The following COG5 variants were observed in gnomAD, a reference collection of about 807,000 sequenced individuals.
COG5 encodes the protein conserved oligomeric Golgi complex subunit 5.
In COG5, 86 loss-of-function variants were observed where a neutral mutation model predicts 110.4. The observed-to-expected ratio is 0.78, with a 90% CI of 0.65 to 0.93. The LOEUF (loss-of-function observed/expected upper bound fraction) is 0.93, where lower values mean the gene tolerates loss of function less well. Among genes scored for constraint, COG5 ranks in the 40% least tolerant of loss-of-function variants. COG5 has a pLI of 0.00. For synonymous variants in COG5, 360 were observed against 334.6 expected (o/e 1.08, Z -0.83); for missense variants, 1,077 against 987.0 (o/e 1.09, Z -1.22).
At chr7:107,284,991 ATAT>A (rs1805504850) in intron 12 of COG5, among the ~76,000 whole-genome samples, 1 of 152,168 alleles carries the variant, frequency 6.6e-6, no homozygotes, top group Admixed American at 6.5e-5. Context: ...TGGTCCACTG[ATAT>A]GACCTAGAGA....
rs760807804 is a variant in COG5 at position 107,412,611 on chromosome 7, T to C, written c.560A>G (p.Asp187Gly). Residue 187 changes from aspartate (D) to glycine (G), a missense_variant, in exon 7 of 22, where the codon GAT becomes GGT. By Grantham distance (94) the Asp-to-Gly change is moderately conservative. Transcript: ENST00000297135. ...TTCTATCACTTCTATTCCAGAAAGA[T>C]CTATTCCTTGAGAAAGATAATCTGT... The part of the protein sequence containing the change: ...NELDYLSQGI[D>G]LSGIEVIEND... The C allele has an allele frequency of 6.4e-7, 1 of 1,555,882 alleles. No individual in the cohort carries two copies. The highest frequency in any genetic ancestry group is 2.2e-5 in the East Asian group (1 of 44,460).
At chr7:107,415,823 C>CGTAT (rs199938256) in intron 6 of COG5, among the ~76,000 whole-genome samples, 22 of 72,514 alleles carry the variant, frequency 3.0e-4, no homozygotes, top group Non-Finnish European at 5.0e-4. Flanking sequence ...CACACATACA[C>CGTAT]GTATGTATGT....
intron 21 of COG5, among the ~76,000 whole-genome samples, chr7:107,207,633 T>TA (rs1206319504): frequency 1.3e-5 from 2 of 152,286 alleles, no homozygotes; most frequent in East Asian, 3.9e-4. Flanking sequence ...ATTCAACACT[T>TA]ACCCACAGGC....
intron 14 of COG5, among the ~76,000 whole-genome samples, chr7:107,263,159 A>C (rs990315180): frequency 6.6e-6 from 1 of 152,174 alleles, no homozygotes; most frequent in Non-Finnish European, 1.5e-5. Flanking sequence ...TATCTTGTAT[A>C]AAGTAGGCAC....
rs143341497 is a variant in COG5 at position 107,410,886 on chromosome 7, G to A, written c.669+1616C>T. Among the ~76,000 whole-genome samples the A allele has an allele frequency of 9.9e-5, 15 of 152,224 alleles. No homozygotes were observed. The East Asian group carries it at 2.5e-3, about 25-fold the overall frequency. On this transcript the variant is annotated intron_variant, in intron 7 of 21. Transcript: ENST00000297135. The stretch of plus-strand genomic sequence containing the variant: ...AATGATACTAATGACAATATTCAAC[G>A]TTGATAAGGAGGGAAAGATTCTGAA...
At chr7:107,423,734 A>C (rs1037890218) in intron 6 of COG5, among the ~76,000 whole-genome samples, 1 of 152,142 alleles carries the variant, frequency 6.6e-6, no homozygotes, top group African/African-American at 2.4e-5. Flanking sequence ...ATTAGCAAAC[A>C]GAATCTTGCA....
Position 107,203,122 on chromosome 7 carries a change from T to A in COG5, c.*394A>T, listed in dbSNP as rs1798477233. ...CAAATTTGGAAACCACTGAGCTACA[T>A]GCTTATTTAGTGAAGAAGGCAGGGT... On this transcript the variant is annotated 3_prime_UTR_variant, in exon 22 of 22. Coordinates refer to ENST00000297135, the MANE Select transcript of COG5 (RefSeq NM_006348.5). 4.2e-6 allele frequency: 1 copy of A among 236,664 alleles called. No homozygotes were observed. Among genetic ancestry groups the A allele is most frequent in the African/African-American group, 2.3e-5 (1 of 43,992 alleles). 14.7% of individuals were successfully genotyped at this position (236,664 alleles called of 1,614,324 possible).
At chr7:107,473,685 A>G (rs1389998974) in intron 6 of COG5, among the ~76,000 whole-genome samples, 8 of 152,024 alleles carry the variant, frequency 5.3e-5, no homozygotes, top group Non-Finnish European at 1.0e-4. Flanking sequence ...ATTTTAAGAC[A>G]CTGGGCTGAA....
intron 5 of COG5, among the ~76,000 whole-genome samples, chr7:107,533,744 A>C (rs901173931): frequency 1.3e-5 from 2 of 151,704 alleles, no homozygotes; most frequent in African/African-American, 4.9e-5. Flanking sequence ...AACACACTTC[A>C]AGATATTATC....
chr7:107,201,451 T>G lies in COG5; in HGVS notation c.*2065A>C, dbSNP rs1798295451. 1 of 1,527,852 alleles carries G rather than the reference T, an allele frequency of 6.5e-7. No individual in the cohort carries two copies. The highest frequency in any genetic ancestry group is 1.4e-5 in the African/African-American group (1 of 73,218). 94.6% of individuals were successfully genotyped at this position (1,527,852 alleles called of 1,614,324 possible). A position where few individuals can be genotyped will look rare whatever the true frequency, so the allele number is the denominator to read the frequency against. ...CATTAAACCAGGATGCTTATGTTCT[T>G]AAGTCTATATTTGCATATACATTGA... is the stretch of plus-strand genomic sequence containing the variant. On this transcript the variant is annotated 3_prime_UTR_variant, in exon 22 of 22. Transcript: ENST00000297135.
At chr7:107,513,944 T>C (rs1053087923) in intron 6 of COG5, among the ~76,000 whole-genome samples, 3 of 151,988 alleles carry the variant, frequency 2.0e-5, no homozygotes, top group Admixed American at 2.0e-4. Flanking sequence ...ATATACCTAA[T>C]GCTAAATGAC....
chr7:107,274,991 T>C (rs1407515108), intron 14 of COG5, among the ~76,000 whole-genome samples: 1 of 152,144 alleles, frequency 6.6e-6, no homozygotes, highest in Non-Finnish European at 1.5e-5. Context: ...AGGGTCTCAC[T>C]ATGTTGCCCC....
In COG5 at chr7:107,300,584, T is replaced by C. The variant is rs1807172698; in HGVS notation, c.1109-2238A>G. 4.6e-5 allele frequency among the ~76,000 whole-genome samples: 7 copies of C among 152,164 alleles called. No individual in the cohort carries two copies. The South Asian group carries it at 1.5e-3, about 32-fold the overall frequency. ...AAAAGAATACAATTTAGAATAGCACTAAAAATATGAAATACATAGATATAT... is the reference window on the plus strand; with the variant it reads ...AAAAGAATACAATTTAGAATAGCACCAAAAATATGAAATACATAGATATAT... On this transcript the variant is annotated intron_variant, in intron 11 of 21. Coordinates refer to ENST00000297135, the MANE Select transcript of COG5 (RefSeq NM_006348.5).
chr7:107,229,944 T>C (rs138377597), intron 19 of COG5, among the ~76,000 whole-genome samples: 1 of 148,934 alleles, frequency 6.7e-6, no homozygotes, highest in African/African-American at 2.5e-5. Flanking sequence ...TCTGACTCCC[T>C]GGTTCAAGCG....
chr7:107,354,905 T>A lies in COG5; in HGVS notation c.1026+7128A>T, dbSNP rs185134994. On this transcript the variant is annotated intron_variant, in intron 10 of 21. Coordinates refer to ENST00000297135, the MANE Select transcript of COG5 (RefSeq NM_006348.5). The stretch of plus-strand genomic sequence containing the variant: ...CTGATAGCAGGTCAAAATTCTTAAT[T>A]ACTACATTGTCCTGCCCTTGACACT... 2.6e-5 allele frequency among the ~76,000 whole-genome samples: 4 copies of A among 152,284 alleles called. No homozygotes were observed. In the East Asian group the frequency reaches 7.7e-4, roughly 29 times the overall value.
At chr7:107,512,082 A>G (rs1213804395) in intron 6 of COG5, among the ~76,000 whole-genome samples, 2 of 152,212 alleles carry the variant, frequency 1.3e-5, no homozygotes, top group East Asian at 3.8e-4. Flanking sequence ...AGGGTATTCA[A>G]TTAGGAAAAT....
rs950256661 is a variant in COG5 at position 107,494,084 on chromosome 7, A to C, written c.538+33153T>G. The stretch of plus-strand genomic sequence containing the variant: ...ATATCCGTTTGTTCTTTGGGAGTAC[A>C]GAAATTTTATATACATAAAATTTAA... On this transcript the variant is annotated intron_variant, in intron 6 of 21. Coordinates refer to ENST00000297135, the MANE Select transcript of COG5 (RefSeq NM_006348.5). 2.6e-5 allele frequency among the ~76,000 whole-genome samples: 4 copies of C among 152,284 alleles called. No individual in the cohort carries two copies. The South Asian group carries it at 8.3e-4, about 32-fold the overall frequency.
At position 107,504,648 on chromosome 7, in the gene COG5, AT is replaced by A. The variant is rs537742030; in HGVS notation, c.538+22588del. The stretch of plus-strand genomic sequence containing the variant: ...GCCCTGGGCTTTTTCTTTGTTGGCA[AT>A]TTTTTTTATTACTGATTTAATCTTG... On this transcript the variant is annotated intron_variant, in intron 6 of 21. Coordinates refer to ENST00000297135, the MANE Select transcript of COG5 (RefSeq NM_006348.5). Among the ~76,000 whole-genome samples, 250 of 151,984 alleles carry A rather than the reference AT, an allele frequency of 1.6e-3. 1 individual carries two copies. The highest frequency in any genetic ancestry group is 5.7e-3 in the African/African-American group (235 of 41,488).
intron 10 of COG5, among the ~76,000 whole-genome samples, chr7:107,336,324 T>A (rs1810695495): frequency 2.0e-5 from 3 of 152,214 alleles, no homozygotes; most frequent in African/African-American, 7.2e-5. Flanking sequence ...TTACACTATG[T>A]GTGAGCTAGA....
Sources: allele counts gnomAD v4.1 joint callset (sites outside exome capture counted in the v4.1 genomes callset), GRCh38; gene constraint gnomAD v4.1.1; transcripts MANE v1.5; gene names NCBI Gene and HGNC (gene_info 2026-07-23, HGNC 2026-07-21).